Variants in CSRNP3 observed in about 807,000 individuals in gnomAD.
CSRNP3 encodes the protein cysteine/serine-rich nuclear protein 3.
In CSRNP3, 12 loss-of-function variants were observed where a neutral mutation model predicts 48.0. That is an observed-to-expected ratio of 0.25 (90% CI 0.16 to 0.41). The LOEUF is 0.41. CSRNP3 is among the 10% of genes least tolerant of loss of function. The probability of loss-of-function intolerance (pLI) is 1.00; values close to 1 mark genes in which losing one functional copy is unlikely to be tolerated. For synonymous variants in CSRNP3, 263 were observed against 269.7 expected, an observed-to-expected ratio of 0.98 and a Z score of 0.24; for missense variants, 580 against 724.4, an observed-to-expected ratio of 0.80 and a Z score of 2.29.
intron 4 of CSRNP3, among the ~76,000 whole-genome samples, chr2:165,644,927 A>T (rs1240213711): frequency 3.3e-5 from 5 of 152,138 alleles, no homozygotes; most frequent in African/African-American, 1.2e-4. Flanking sequence ...TCCAAGTTCA[A>T]GGGCACCAGT....
intron 4 of CSRNP3, among the ~76,000 whole-genome samples, chr2:165,599,079 A>T (rs1167275425): frequency 6.6e-6 from 1 of 151,698 alleles, no homozygotes; most frequent in African/African-American, 2.4e-5. Flanking sequence ...TAAAAAAATT[A>T]AAAAGAAAAA....
At chr2:165,492,028 T>C (rs1684218933) in intron 1 of CSRNP3, among the ~76,000 whole-genome samples, 1 of 148,182 alleles carries the variant, frequency 6.7e-6, no homozygotes, top group Non-Finnish European at 1.5e-5. Context: ...TTTTAGGAAA[T>C]ACCTTAACCT....
rs773157959 is a variant in CSRNP3 at position 165,676,569 on chromosome 2, A to G, written c.666A>G (p.Pro222=). The stretch of plus-strand genomic sequence containing the variant: ...GTGACTGCCGAGTGTTCTGTGATCC[A>G]GACACGTGCACCTGCAGCCTGGCTG... The part of the protein sequence containing the change: ...CGCDCRVFCD[P]DTCTCSLAGI... Residue 222 remains proline, a synonymous_variant, in exon 6 of 7, where the codon CCA becomes CCG. Coordinates refer to ENST00000651982, the MANE Select transcript of CSRNP3 (RefSeq NM_001172173.2). The G allele has an allele frequency of 6.2e-7, 1 of 1,614,006 alleles. No homozygotes were observed. Among genetic ancestry groups the G allele is most frequent in the Non-Finnish European group, 8.5e-7 (1 of 1,179,854 alleles).
intron 3 of CSRNP3, among the ~76,000 whole-genome samples, chr2:165,521,173 C>CAAAAAAAAAAAAA (rs1348766008): frequency 1.5e-5 from 2 of 135,642 alleles, no homozygotes; most frequent in Non-Finnish European, 1.6e-5. Context: ...ATGGGAAAGC[C>CAAAAAAAAAAAAA]AAAAAAAAAA....
chr2:165,473,468 T>C (rs868268773), intron 1 of CSRNP3, among the ~76,000 whole-genome samples: 1 of 152,134 alleles, frequency 6.6e-6, no homozygotes, highest in African/African-American at 2.4e-5. Context: ...CAAATTGTGC[T>C]GTATACATAA....
Position 165,687,503 on chromosome 2 carries a change from A to G in CSRNP3, c.*7750A>G, listed in dbSNP as rs1483591785. The G allele has an allele frequency of 6.6e-6, 1 of 152,146 alleles. No individual in the cohort carries two copies. Among genetic ancestry groups the G allele is most frequent in the Non-Finnish European group, 1.5e-5 (1 of 68,012 alleles). 9.4% of individuals were successfully genotyped at this position (152,146 alleles called of 1,614,324 possible). The stretch of plus-strand genomic sequence containing the variant: ...TTTTCTACATTCTTACTTCTAAGTA[A>G]TGACCTTCTCATTAATCTTTCCTTG... On this transcript the variant is annotated 3_prime_UTR_variant, in exon 7 of 7. Transcript: ENST00000651982.
At chr2:165,514,610 C>A in intron 2 of CSRNP3, among the ~76,000 whole-genome samples, 1 of 152,362 alleles carries the variant, frequency 6.6e-6, no homozygotes, top group South Asian at 2.1e-4. Context: ...GGAATGGTCA[C>A]CTGCATCAAC....
At chr2:165,573,355 T>A (rs1027053674) in intron 3 of CSRNP3, among the ~76,000 whole-genome samples, 1 of 152,222 alleles carries the variant, frequency 6.6e-6, no homozygotes, top group African/African-American at 2.4e-5. Context: ...TGTGTCTTTA[T>A]GTATATTTAT....
chr2:165,583,360 A>T (rs902265670), intron 3 of CSRNP3, among the ~76,000 whole-genome samples: 1 of 152,210 alleles, frequency 6.6e-6, no homozygotes, highest in Non-Finnish European at 1.5e-5. Flanking sequence ...AAACAATTAC[A>T]TTCAATATGG....
At chr2:165,492,161 G>C (rs1426144189) in intron 1 of CSRNP3, among the ~76,000 whole-genome samples, 1 of 152,090 alleles carries the variant, frequency 6.6e-6, no homozygotes, top group East Asian at 1.9e-4. Context: ...CGGAGCCACT[G>C]AATCCTCCCT....
chr2:165,642,968 G>A (rs1686749061), intron 4 of CSRNP3, among the ~76,000 whole-genome samples: 1 of 152,164 alleles, frequency 6.6e-6, no homozygotes, highest in African/African-American at 2.4e-5. Flanking sequence ...AAAGAGAAGG[G>A]AGAAAGAGAG....
intron 5 of CSRNP3, among the ~76,000 whole-genome samples, chr2:165,669,624 T>C (rs1687295161): frequency 6.6e-6 from 1 of 152,202 alleles, no homozygotes; most frequent in Admixed American, 6.5e-5. Flanking sequence ...GCTTTGGGAA[T>C]GGTTTTCTCA....
At chr2:165,611,580 T>TA (rs1189217198) in intron 4 of CSRNP3, among the ~76,000 whole-genome samples, 15 of 151,882 alleles carry the variant, frequency 9.9e-5, no homozygotes, top group Admixed American at 2.6e-4. Flanking sequence ...TTTCCAGTGG[T>TA]AAAAAAAATG....
intron 2 of CSRNP3, among the ~76,000 whole-genome samples, chr2:165,501,740 C>T (rs1332138363): frequency 1.2e-4 from 19 of 152,020 alleles, no homozygotes; most frequent in Admixed American, 1.1e-3. Context: ...TTAAGTATAA[C>T]GTGAGTCAAC....
intron 4 of CSRNP3, among the ~76,000 whole-genome samples, chr2:165,602,409 GGT>G (rs1171458610): frequency 1.3e-5 from 2 of 152,084 alleles, no homozygotes; most frequent in Non-Finnish European, 2.9e-5. Context: ...TTTGGCTTGG[GGT>G]ACACAATCTG....
intron 4 of CSRNP3, among the ~76,000 whole-genome samples, chr2:165,650,391 T>C (rs2105341170): frequency 6.6e-6 from 1 of 152,334 alleles, no homozygotes; most frequent in African/African-American, 2.4e-5. Context: ...GACACAGTTA[T>C]CAAGAGAAGC....
chr2:165,503,338 T>C (rs1181371236), intron 2 of CSRNP3, among the ~76,000 whole-genome samples: 2 of 151,974 alleles, frequency 1.3e-5, no homozygotes, highest in East Asian at 3.8e-4. Context: ...TTGTTATTTA[T>C]TTGTGATTCT....
Position 165,516,323 on chromosome 2 carries a change from T to C in CSRNP3, c.-112-1550T>C, listed in dbSNP as rs550641707. Among the ~76,000 whole-genome samples the C allele has an allele frequency of 3.7e-3, 563 of 152,294 alleles. 4 individuals carry two copies. Among genetic ancestry groups the C allele is most frequent in the Non-Finnish European group, 6.2e-3 (425 of 68,030 alleles). On this transcript the variant is annotated intron_variant, in intron 2 of 6. Transcript: ENST00000651982. ...AAGTTATATCTTCATTGGTCTTCAG[T>C]ATGCCATCATTTGAATGTATAATGT...
chr2:165,580,254 C>T (rs1426889019), intron 3 of CSRNP3, among the ~76,000 whole-genome samples: 1 of 152,150 alleles, frequency 6.6e-6, no homozygotes, highest in Non-Finnish European at 1.5e-5. Context: ...GATTGTATGA[C>T]TATGGTGCAA....
Sources: allele counts gnomAD v4.1 joint callset (sites outside exome capture counted in the v4.1 genomes callset), GRCh38; gene constraint gnomAD v4.1.1; transcripts MANE v1.5; gene names NCBI Gene and HGNC (gene_info 2026-07-23, HGNC 2026-07-21).